PCYT1B: variants seen among roughly 807,000 people sequenced by gnomAD.
The protein encoded by PCYT1B is choline-phosphate cytidylyltransferase B.
A neutral mutation model predicts 26.4 loss-of-function variants in PCYT1B; 10 were observed. The observed-to-expected ratio is 0.38, with a 90% confidence interval of 0.23 to 0.64. The LOEUF (loss-of-function observed/expected upper bound fraction) is 0.64. Among genes scored for constraint, PCYT1B ranks in the 30% least tolerant of loss-of-function variants. The pLI, the probability that PCYT1B is intolerant of heterozygous loss-of-function variation, is 0.56. For missense variants in PCYT1B, 161 were observed against 292.7 expected (o/e 0.55, Z 3.28); for synonymous variants, 131 against 108.4 (o/e 1.21, Z -1.29).
intron 2 of PCYT1B, among the ~76,000 whole-genome samples, chrX:24,614,575 A>G (rs1190425723): frequency 8.9e-6 from 1 of 111,839 alleles, no homozygotes. Flanking sequence ...AATCTTGAAG[A>G]GCATTATCAA....
At chrX:24,667,701 A>G (rs1411018755) in intron 1 of PCYT1B, among the ~76,000 whole-genome samples, 2 of 109,235 alleles carry the variant, frequency 1.8e-5, no homozygotes, top group Non-Finnish European at 3.8e-5. Context: ...TGAGCAACAT[A>G]GTGAGACTCC....
At chrX:24,668,503 TCAG>T (rs1927173309) in intron 1 of PCYT1B, among the ~76,000 whole-genome samples, 1 of 111,257 alleles carries the variant, frequency 9.0e-6, no homozygotes, top group African/African-American at 3.3e-5. Flanking sequence ...TGTCAGTCAA[TCAG>T]CAGATATTTA....
At chrX:24,650,317 C>CTTT (rs575150338), upstream of PCYT1B, among the ~76,000 whole-genome samples, 2 of 75,714 alleles carry the variant, frequency 2.6e-5, no homozygotes, top group African/African-American at 5.2e-5. Flanking sequence ...TATTATGTAG[C>CTTT]TTTTTTTTTT....
intron 1 of PCYT1B, among the ~76,000 whole-genome samples, chrX:24,642,429 T>C (rs1470514808): frequency 2.7e-5 from 3 of 112,743 alleles, no homozygotes; most frequent in Non-Finnish European, 5.6e-5. Flanking sequence ...GATTTCTATA[T>C]GCTAAATCAT....
intron 1 of PCYT1B, among the ~76,000 whole-genome samples, chrX:24,646,478 G>GTATT (rs781630282): frequency 6.3e-5 from 7 of 111,329 alleles, no homozygotes; most frequent in Non-Finnish European, 9.4e-5. Context: ...GGACTCCTAT[G>GTATT]TATTTATTTA....
At chrX:24,623,659 C>T (rs931252461) in intron 1 of PCYT1B, among the ~76,000 whole-genome samples, 1 of 111,052 alleles carries the variant, frequency 9.0e-6, no homozygotes, top group Non-Finnish European at 1.9e-5. Context: ...AGAATCATAC[C>T]AAAGCCACAT....
In PCYT1B at chrX:24,589,761, C is replaced by T. The variant is rs748641844; in HGVS notation, c.486+262G>A. 9.9e-5 allele frequency among the ~76,000 whole-genome samples: 11 copies of T among 111,438 alleles called. No individual in the cohort carries two copies. In the South Asian group the frequency reaches 4.2e-3, roughly 43 times the overall value. Reference sequence around the variant, plus strand: ...GTACAGTGTGGTTAGATATCTTGTTCAAGGTCCCACAACTAGGAAGAGATA... The same window carrying T: ...GTACAGTGTGGTTAGATATCTTGTTTAAGGTCCCACAACTAGGAAGAGATA... On this transcript the variant is annotated intron_variant, in intron 4 of 7. Coordinates refer to ENST00000379144, the MANE Select transcript of PCYT1B (RefSeq NM_004845.5).
intron 2 of PCYT1B, among the ~76,000 whole-genome samples, chrX:24,609,677 TCAA>T (rs903507081): frequency 1.9e-4 from 21 of 112,248 alleles, no homozygotes; most frequent in African/African-American, 6.8e-4. Flanking sequence ...ATGAGAGATG[TCAA>T]CAACATTATG....
chrX:24,597,817 T>G (rs1924835460), intron 3 of PCYT1B, among the ~76,000 whole-genome samples: 1 of 112,150 alleles, frequency 8.9e-6, no homozygotes, highest in Non-Finnish European at 1.9e-5. Flanking sequence ...CTCCCAACTA[T>G]TGTCAAAAAA....
intron 1 of PCYT1B, among the ~76,000 whole-genome samples, chrX:24,644,601 T>C (rs767951009): frequency 9.1e-6 from 1 of 110,391 alleles, no homozygotes; most frequent in Non-Finnish European, 1.9e-5. Context: ...AAATCCCAGC[T>C]CTGCCCCCTT....
chrX:24,606,860 C>T (rs780734947), intron 3 of PCYT1B, among the ~76,000 whole-genome samples: 2 of 82,002 alleles, frequency 2.4e-5, no homozygotes, highest in African/African-American at 3.8e-5. Context: ...AGTGAGATTC[C>T]GTCTCAAACA....
intron 1 of PCYT1B, among the ~76,000 whole-genome samples, chrX:24,653,004 G>A (rs1450872104): frequency 5.4e-5 from 6 of 111,271 alleles, no homozygotes; most frequent in Admixed American, 9.5e-5. Flanking sequence ...AGAATCGCTT[G>A]AACCCAGGAG....
intron 1 of PCYT1B, among the ~76,000 whole-genome samples, chrX:24,627,054 G>A (rs1043337422): frequency 3.6e-5 from 4 of 112,313 alleles, no homozygotes; most frequent in Non-Finnish European, 7.5e-5. Context: ...AGAAGTTGAT[G>A]TATGTGTAAA....
At chrX:24,613,854 G>A (rs1161442145) in intron 2 of PCYT1B, among the ~76,000 whole-genome samples, 1 of 106,235 alleles carries the variant, frequency 9.4e-6, no homozygotes, top group African/African-American at 3.4e-5. Context: ...TTGGGAGGCT[G>A]AATTGGGAGG....
chrX:24,648,475 T>TTTTTG (rs1926696696), upstream of PCYT1B, among the ~76,000 whole-genome samples: 6 of 92,938 alleles, frequency 6.5e-5, no homozygotes, highest in Admixed American at 2.4e-4. Flanking sequence ...TTTTTTTTTT[T>TTTTTG]GCGAAGGGCG....
intron 1 of PCYT1B, among the ~76,000 whole-genome samples, chrX:24,671,135 T>C (rs1927246397): frequency 9.1e-6 from 1 of 110,202 alleles, no homozygotes; most frequent in Non-Finnish European, 1.9e-5. Flanking sequence ...GCCTGGCTAA[T>C]TTTTTTGTAT....
intron 1 of PCYT1B, among the ~76,000 whole-genome samples, chrX:24,639,010 TACA>T (rs1251266083): frequency 8.9e-6 from 1 of 112,939 alleles, no homozygotes; most frequent in African/African-American, 3.2e-5. Context: ...AAGTGGTTTG[TACA>T]ACATCAATGT....
At position 24,619,025 on chromosome X, in the gene PCYT1B, A is replaced by G; in HGVS notation, c.177T>C (p.His59=). The change falls in exon 2 of 8, where the codon CAT becomes CAC. Residue 59 remains histidine, a synonymous_variant. Transcript: ENST00000379144. ...GGGCCTGAGCAATGGTCAGTTTTTC[A>G]TGGGGTGCTTGACACTGGCAGTTGG... The part of the protein sequence containing the change: ...DETNCQCQAP[H]EKLTIAQARL... 8.5e-7 allele frequency: 1 copy of G among 1,179,039 alleles called. No homozygotes were observed. Among genetic ancestry groups the G allele is most frequent in the Non-Finnish European group, 1.1e-6 (1 of 876,413 alleles).
chrX:24,633,688 TA>T (rs1032999605), intron 1 of PCYT1B, among the ~76,000 whole-genome samples: 2 of 111,162 alleles, frequency 1.8e-5, no homozygotes, highest in Non-Finnish European at 3.8e-5. Flanking sequence ...TATATATCAA[TA>T]AAAAATTTTA....
Sources: allele counts gnomAD v4.1 joint callset (sites outside exome capture counted in the v4.1 genomes callset), GRCh38; gene constraint gnomAD v4.1.1; transcripts MANE v1.5; gene names NCBI Gene and HGNC (gene_info 2026-07-23, HGNC 2026-07-21).